ADGRB1: variants seen among roughly 807,000 people sequenced by gnomAD.
ADGRB1 encodes brain-specific angiogenesis inhibitor 1.
In ADGRB1, 36 loss-of-function variants were observed where a neutral mutation model predicts 175.7. The observed-to-expected ratio is 0.20, with a 90% confidence interval of 0.16 to 0.27. ADGRB1 has a LOEUF of 0.27. Ranked by LOEUF, ADGRB1 falls within the 10% of genes least tolerant of loss-of-function variation. The probability of loss-of-function intolerance (pLI) is 1.00; values close to 1 mark genes in which losing one functional copy is unlikely to be tolerated. For synonymous variants in ADGRB1, 1,054 were observed against 979.4 expected (o/e 1.08, Z -1.42); for missense variants, 1,731 against 2,255.3 (o/e 0.77, Z 4.71).
chr8:142,464,140 A>C lies in ADGRB1; in HGVS notation c.-59A>C. ...CCCGCCGCCGGACCCTGGCATGTCA[A>C]GACCTGGTCCGCGCCTGCCTGCCCA... is the stretch of plus-strand genomic sequence containing the variant. On this transcript the variant is annotated 5_prime_UTR_variant, in exon 2 of 31. Transcript: ENST00000517894. The C allele has an allele frequency of 8.1e-7, 1 of 1,232,428 alleles. No homozygotes were observed. 76.3% of individuals were successfully genotyped at this position (1,232,428 alleles called of 1,614,324 possible).
intron 2 of ADGRB1, among the ~76,000 whole-genome samples, chr8:142,466,311 G>T (rs915776565): frequency 1.3e-5 from 2 of 152,214 alleles, no homozygotes. Context: ...TGTGTTTAAA[G>T]GCACAAAATA....
intron 24 of ADGRB1, among the ~76,000 whole-genome samples, chr8:142,527,127 G>A (rs559340081): frequency 2.0e-5 from 3 of 152,352 alleles, no homozygotes; most frequent in African/African-American, 7.2e-5. Flanking sequence ...AGCCCAGGGA[G>A]TGCTCTCAGC....
At chr8:142,499,911 A>T (rs1374933925) in intron 17 of ADGRB1, among the ~76,000 whole-genome samples, 2 of 28,500 alleles carry the variant, frequency 7.0e-5, no homozygotes, top group African/African-American at 1.7e-4. Context: ...GGGTCACAGC[A>T]GGCTTATGGG....
intron 25 of ADGRB1, among the ~76,000 whole-genome samples, chr8:142,535,329 G>A (rs1028529116): frequency 6.6e-6 from 1 of 152,140 alleles, no homozygotes; most frequent in African/African-American, 2.4e-5. Flanking sequence ...TGGCAAATGG[G>A]GTCAGGGAAG....
intron 22 of ADGRB1, among the ~76,000 whole-genome samples, 179 bp downstream of exon 22, chr8:142,522,889 T>C (rs1843934284): frequency 6.6e-6 from 1 of 152,214 alleles, no homozygotes; most frequent in Admixed American, 6.5e-5. Context: ...ATCCCCTCCC[T>C]GTTGGCCAGC....
Position 142,477,440 on chromosome 8 carries a change from C to T in ADGRB1, c.1278C>T (p.Gly426=), listed in dbSNP as rs766377325. The T allele has an allele frequency of 3.1e-6, 5 of 1,612,162 alleles. No individual in the cohort carries two copies. The highest frequency in any genetic ancestry group is 1.7e-5 in the Admixed American group (1 of 60,018). Residue 426 remains glycine (G), a synonymous_variant, in exon 6 of 31, where the codon GGC becomes GGT. Coordinates refer to ENST00000517894, the MANE Select transcript of ADGRB1 (RefSeq NM_001702.3). ...SPWSLCSSTC[G]RGFRDRTRTC... Reference sequence around the variant, plus strand: ...GGAGCCTCTGCTCCAGCACCTGTGGCCGTGGCTTTCGGGATCGCACGCGCA... The same window carrying T: ...GGAGCCTCTGCTCCAGCACCTGTGGTCGTGGCTTTCGGGATCGCACGCGCA...
At chr8:142,515,217 T>C (rs1241675603) in intron 18 of ADGRB1, among the ~76,000 whole-genome samples, 1 of 152,150 alleles carries the variant, frequency 6.6e-6, no homozygotes, top group African/African-American at 2.4e-5. Context: ...GGGCCTGGCA[T>C]GTGCAAGGGC....
intron 27 of ADGRB1, among the ~76,000 whole-genome samples, chr8:142,541,446 C>T (rs973410322): frequency 1.3e-5 from 2 of 152,126 alleles, no homozygotes; most frequent in African/African-American, 2.4e-5. Context: ...CAGGAAGGGC[C>T]GTGACAGAGG....
intron 18 of ADGRB1, among the ~76,000 whole-genome samples, chr8:142,513,737 C>T (rs1041870148): frequency 6.6e-6 from 1 of 152,052 alleles, no homozygotes; most frequent in African/African-American, 2.4e-5. Context: ...AAGTGGGGTC[C>T]TGAGGGGTGT....
intron 1 of ADGRB1, among the ~76,000 whole-genome samples, chr8:142,458,349 C>T (rs2131639378): frequency 6.6e-6 from 1 of 152,296 alleles, no homozygotes; most frequent in African/African-American, 2.4e-5. Flanking sequence ...GTGCAGTCTG[C>T]ACAGGCCCAG....
chr8:142,523,068 A>T (rs768763144), intron 22 of ADGRB1, among the ~76,000 whole-genome samples: 26 of 152,282 alleles, frequency 1.7e-4, no homozygotes, highest in Non-Finnish European at 3.4e-4. Flanking sequence ...GGGCTGTTTG[A>T]GACATGAGCT....
At chr8:142,471,934 A>G (rs998343513) in intron 2 of ADGRB1, among the ~76,000 whole-genome samples, 1 of 152,220 alleles carries the variant, frequency 6.6e-6, no homozygotes. Flanking sequence ...GCCCCAGGAC[A>G]AACCCTAACT....
At chr8:142,477,350 C>G in intron 5 of ADGRB1, 35 bp from the exon 6 acceptor site, 1 of 1,593,298 alleles carries the variant, frequency 6.3e-7, no homozygotes, top group Non-Finnish European at 8.5e-7. Flanking sequence ...GGGCGGTGGC[C>G]GCAGTGGGCA....
chr8:142,523,936 G>A (rs1844020152), intron 22 of ADGRB1, among the ~76,000 whole-genome samples: 1 of 152,052 alleles, frequency 6.6e-6, no homozygotes, highest in Non-Finnish European at 1.5e-5. Context: ...GGGAAGGAGG[G>A]ACAGTCAGGT....
Position 142,544,502 on chromosome 8 carries a change from C to A in ADGRB1, c.*85C>A. 2 of 1,381,788 alleles carry A rather than the reference C, an allele frequency of 1.4e-6. No homozygotes were observed. The highest frequency in any genetic ancestry group is 1.5e-5 in the South Asian group (1 of 64,534). 85.6% of individuals were successfully genotyped at this position (1,381,788 alleles called of 1,614,324 possible). Reference sequence around the variant, plus strand: ...TGCCGCAGACGGGCACAGACACGCTCGCGGGCAGCGGGCCAGGCCCGCACC... The same window carrying A: ...TGCCGCAGACGGGCACAGACACGCTAGCGGGCAGCGGGCCAGGCCCGCACC... On this transcript the variant is annotated 3_prime_UTR_variant, in exon 31 of 31. Transcript: ENST00000517894.
intron 1 of ADGRB1, among the ~76,000 whole-genome samples, chr8:142,452,377 C>T (rs971192265): frequency 6.6e-6 from 1 of 152,166 alleles, no homozygotes; most frequent in Admixed American, 6.5e-5. Flanking sequence ...GGGTCCCGCG[C>T]AGGGGCGGAT....
chr8:142,529,986 CTGTG>C (rs376889624), intron 24 of ADGRB1, among the ~76,000 whole-genome samples: 4 of 149,718 alleles, frequency 2.7e-5, no homozygotes, highest in East Asian at 2.0e-4. Flanking sequence ...AAACGTGCAT[CTGTG>C]TGTGTGAGCG....
At chr8:142,503,300 G>T (rs1316634440) in intron 17 of ADGRB1, among the ~76,000 whole-genome samples, 1 of 152,066 alleles carries the variant, frequency 6.6e-6, no homozygotes, top group Non-Finnish European at 1.5e-5. Context: ...AGGCTGGGCT[G>T]GCTGTAATGG....
chr8:142,520,875 A>G lies in ADGRB1; in HGVS notation c.2974A>G (p.Ile992Val). ...CCTCATCAACTTCTGCCTGTCCATCATCTCCTCCAATGCCCTCATCCTCAT... is the reference window on the plus strand; with the variant it reads ...CCTCATCAACTTCTGCCTGTCCATCGTCTCCTCCAATGCCCTCATCCTCAT... Reference protein sequence around the residue: ...VILINFCLSIISSNALILIGQ... With the variant: ...VILINFCLSIVSSNALILIGQ... The change falls in exon 20 of 31, where the codon ATC becomes GTC. Residue 992 changes from isoleucine to valine, a missense_variant. Ile to Val is a conservative substitution (Grantham distance 29). Around this residue, in one of 8 missense-constraint regions of ADGRB1, gnomAD observed 301 missense variants for 488.4 expected, o/e 0.62. Transcript: ENST00000517894. 6.2e-7 allele frequency: 1 copy of G among 1,613,708 alleles called. No individual in the cohort carries two copies. The highest frequency in any genetic ancestry group is 8.5e-7 in the Non-Finnish European group (1 of 1,179,738).
Sources: allele counts gnomAD v4.1 joint callset (sites outside exome capture counted in the v4.1 genomes callset), GRCh38; gene constraint gnomAD v4.1.1; regional missense constraint gnomAD v4.1.1; transcripts MANE v1.5; gene names NCBI Gene and HGNC (gene_info 2026-07-23, HGNC 2026-07-21).